Variants in THAP3 observed in about 807,000 individuals in gnomAD.
THAP3 encodes THAP domain-containing protein 3.
THAP3 carries 12 observed loss-of-function variants against 17.7 expected under a neutral mutation model. The observed-to-expected ratio is 0.68, with a 90% CI of 0.43 to 1.10. THAP3 has a LOEUF of 1.10. THAP3 is among the 50% of genes least tolerant of loss of function. The probability of loss-of-function intolerance (pLI) is 0.00; values close to 1 mark genes in which losing one functional copy is unlikely to be tolerated. For missense variants in THAP3, 289 were observed against 318.0 expected (o/e 0.91, Z 0.69); for synonymous variants, 133 against 126.9 (o/e 1.05, Z -0.32).
At chr1:6,632,029 A>G (rs1178163052) in intron 4 of THAP3, among the ~76,000 whole-genome samples, 1 of 143,190 alleles carries the variant, frequency 7.0e-6, no homozygotes, top group Admixed American at 7.1e-5. Flanking sequence ...CCTGGGTGAC[A>G]GAGTTAGATT....
chr1:6,635,407 A>C (rs1641743303), downstream of THAP3: 1 of 445,360 alleles, frequency 2.2e-6, no homozygotes. Flanking sequence ...TCAGGGCCAG[A>C]GCCCTTCCCT....
chr1:6,634,432 C>G (rs1641714205), downstream of THAP3: 1 of 1,266,988 alleles, frequency 7.9e-7, no homozygotes. Context: ...AGCCGTTACT[C>G]AGATACCAGT....
In THAP3 at chr1:6,633,304, A is replaced by G; in HGVS notation, c.*227A>G. 2 of 1,413,530 alleles carry G rather than the reference A, an allele frequency of 1.4e-6. No individual in the cohort carries two copies. The highest frequency in any genetic ancestry group is 1.8e-6 in the Non-Finnish European group (2 of 1,087,222). The allele number at this position is 1,413,530 out of a possible 1,614,324, so 87.6% of individuals were successfully genotyped here. On this transcript the variant is annotated 3_prime_UTR_variant, in exon 6 of 6. Transcript: ENST00000054650. ...GGAGTGCACATCTGTGAGCATGACA[A>G]GCTTATCCTCCCATGGTAACAGAAG... is the stretch of plus-strand genomic sequence containing the variant.
At position 6,632,412 on chromosome 1, in the gene THAP3, G is replaced by A. The variant is rs761344816; in HGVS notation, c.355G>A (p.Gly119Arg). ...KEKVLPEAGA[G>R]EDSPGRNMDT... is the part of the protein sequence containing the mutation. ...CCAGGTCCTCCCTGAGGCGGGGGCC[G>A]GAGAGGACAGTCCTGGGAGAAACAT... The change falls in exon 5 of 6, where the codon GGA becomes AGA. Residue 119 changes from glycine to arginine, a missense_variant. By Grantham distance (125) the Gly-to-Arg change is moderately radical. Transcript: ENST00000054650. 29 of 1,613,762 alleles carry A rather than the reference G, an allele frequency of 1.8e-5. No individual in the cohort carries two copies. The highest frequency in any genetic ancestry group is 6.7e-5 in the Admixed American group (4 of 60,000).
At chr1:6,633,936 T>C, downstream of THAP3, 7 of 1,275,434 alleles carry the variant, frequency 5.5e-6, no homozygotes, top group Non-Finnish European at 7.8e-6. Context: ...ACTGACTTCC[T>C]ATTTTGTCTA....
At position 6,628,698 on chromosome 1, in the gene THAP3, G is replaced by C. The variant is rs780222151; in HGVS notation, c.267+7G>C. On this transcript the variant is annotated splice_region_variant and intron_variant, in intron 3 of 5. Coordinates refer to ENST00000054650, the MANE Select transcript of THAP3 (RefSeq NM_001195753.2). ...CTTTCAGGACCCCACACAGGTAGGA[G>C]GGCACTGCACCTTCCGTCTGGTCAC... is the stretch of plus-strand genomic sequence containing the variant. 9 of 1,610,776 alleles carry C rather than the reference G, an allele frequency of 5.6e-6. No individual in the cohort carries two copies. The South Asian group carries it at 8.8e-5, about 16-fold the overall frequency.
intron 4 of THAP3, among the ~76,000 whole-genome samples, chr1:6,631,163 C>A (rs1231486084): frequency 6.8e-6 from 1 of 146,422 alleles, no homozygotes; most frequent in Non-Finnish European, 1.5e-5. Context: ...TGCTACCATG[C>A]CCAGCTAATT....
At chr1:6,634,005 CTATT>C (rs770275005), downstream of THAP3, 16 of 1,611,218 alleles carry the variant, frequency 9.9e-6, no homozygotes, top group African/African-American at 4.0e-5. Context: ...AACTTGGGGT[CTATT>C]TATTTCTCAG....
In THAP3 at chr1:6,632,976, C is replaced by CA. The variant is rs1355785016; in HGVS notation, c.620dup (p.Ala208GlyfsTer96). Reference sequence around the variant, plus strand: ...AAATGAAAAGCTCCGGAAGCGCTTGCAGGCCCAGAGGCTGGTGATGCGAAG... The same window carrying CA: ...AAATGAAAAGCTCCGGAAGCGCTTGCAAGGCCCAGAGGCTGGTGATGCGAAG... On this transcript the variant is annotated frameshift_variant, in exon 6 of 6. Transcript: ENST00000054650. LOFTEE classifies it low-confidence loss of function (END_TRUNC). 1 of 1,612,922 alleles carries CA rather than the reference C, an allele frequency of 6.2e-7. No homozygotes were observed. Among genetic ancestry groups the CA allele is most frequent in the African/African-American group, 1.3e-5 (1 of 75,078 alleles).
At chr1:6,632,702 G>T in intron 5 of THAP3, 94 bp from the exon 6 acceptor site, 1 of 1,514,732 alleles carries the variant, frequency 6.6e-7, no homozygotes, top group Non-Finnish European at 9.1e-7. Context: ...TAGCTGCCCT[G>T]GGGTTGTGCT....
downstream of THAP3, chr1:6,634,465 C>T: frequency 7.6e-7 from 1 of 1,310,320 alleles, no homozygotes; most frequent in Non-Finnish European, 1.0e-6. Context: ...GGCCTGACTT[C>T]AGCAACAGCT....
chr1:6,634,496 C>T (rs59818822), downstream of THAP3: 72 of 1,341,652 alleles, frequency 5.4e-5, no homozygotes, highest in East Asian at 4.8e-5. Flanking sequence ...TGGAGGCCGG[C>T]GCAGCTTGGG....
At chr1:6,632,335 C>T in intron 4 of THAP3, 56 bp from the exon 5 acceptor site, 1 of 1,602,810 alleles carries the variant, frequency 6.2e-7, no homozygotes, top group Non-Finnish European at 8.5e-7. Context: ...GTAGCAGCTG[C>T]AGGAGGGCCC....
intron 4 of THAP3, among the ~76,000 whole-genome samples, chr1:6,631,722 C>G (rs1220004235): frequency 6.6e-6 from 1 of 152,010 alleles, no homozygotes; most frequent in Non-Finnish European, 1.5e-5. Context: ...CTGGCGAAAC[C>G]CCGTCTCTAC....
chr1:6,628,013 GC>G (rs1641510033), intron 2 of THAP3: 1 of 158,252 alleles, frequency 6.3e-6, no homozygotes, highest in Non-Finnish European at 1.4e-5. Flanking sequence ...CGCTTGTGCT[GC>G]CACTTCCTGC....
chr1:6,634,554 C>T (rs768155061), downstream of THAP3: 19 of 1,364,926 alleles, frequency 1.4e-5, no homozygotes, highest in East Asian at 2.3e-4. Flanking sequence ...GCGCTTGCTC[C>T]GAGGGGTCAG....
At chr1:6,635,505 T>A, downstream of THAP3, 1 of 723,742 alleles carries the variant, frequency 1.4e-6, no homozygotes, top group Non-Finnish European at 2.3e-6. Flanking sequence ...CCCAGCACCC[T>A]CAAAAGCTGG....
Position 6,624,930 on chromosome 1 carries a change from A to C in THAP3, c.-94A>C. On this transcript the variant is annotated 5_prime_UTR_variant, in exon 1 of 6. Transcript: ENST00000054650. ...TTGGGTGCTCAAAGCAAGGAGGTGAAAGGCGACCAGCATTGGCGAATGGGG... is the reference window on the plus strand; with the variant it reads ...TTGGGTGCTCAAAGCAAGGAGGTGACAGGCGACCAGCATTGGCGAATGGGG... 1 of 464,736 alleles carries C rather than the reference A, an allele frequency of 2.2e-6. No individual in the cohort carries two copies. 28.8% of individuals were successfully genotyped at this position (464,736 alleles called of 1,614,324 possible). A position where few individuals can be genotyped will look rare whatever the true frequency, so the allele number is the denominator to read the frequency against.
At chr1:6,629,173 A>G (rs1229170781) in intron 3 of THAP3, among the ~76,000 whole-genome samples, 1 of 152,164 alleles carries the variant, frequency 6.6e-6, no homozygotes, top group Non-Finnish European at 1.5e-5. Context: ...TGGAGGTGGG[A>G]TGTGTGGGCC....
Sources: allele counts gnomAD v4.1 joint callset (sites outside exome capture counted in the v4.1 genomes callset), GRCh38; gene constraint gnomAD v4.1.1; transcripts MANE v1.5; gene names NCBI Gene and HGNC (gene_info 2026-07-23, HGNC 2026-07-21).